The following GRIK1 variants were observed in gnomAD, a reference collection of about 807,000 sequenced individuals.
GRIK1 encodes glutamate receptor ionotropic, kainate 1.
A neutral mutation model predicts 105.7 loss-of-function variants in GRIK1; 69 were observed. That is an observed-to-expected ratio of 0.65 (90% CI 0.54 to 0.80). GRIK1 has a LOEUF of 0.80. Ranked by LOEUF, GRIK1 falls within the 30% of genes least tolerant of loss-of-function variation. The pLI is 0.00. For synonymous variants in GRIK1, 438 were observed against 431.3 expected (o/e 1.02, Z -0.19); for missense variants, 1,109 against 1,167.3 (o/e 0.95, Z 0.73).
intron 1 of GRIK1, among the ~76,000 whole-genome samples, chr21:29,867,119 T>C (rs2068828075): frequency 6.6e-6 from 1 of 152,304 alleles, no homozygotes; most frequent in East Asian, 1.9e-4. Context: ...AAACACTCCA[T>C]GTCTCTTGTT....
chr21:29,597,585 C>G (rs1472376824), intron 8 of GRIK1: 1 of 446,498 alleles, frequency 2.2e-6, no homozygotes, highest in Non-Finnish European at 4.7e-6. Flanking sequence ...ATCCCATGCA[C>G]CATCGTGGAG....
At chr21:29,739,968 G>GCACATGCACA (rs1265081234) in intron 1 of GRIK1, among the ~76,000 whole-genome samples, 1 of 152,106 alleles carries the variant, frequency 6.6e-6, no homozygotes, top group Non-Finnish European at 1.5e-5. Context: ...CAACACACAT[G>GCACATGCACA]CACATGCACA....
At chr21:29,567,961 T>C (rs1357987483) in intron 14 of GRIK1, among the ~76,000 whole-genome samples, 3 of 152,210 alleles carry the variant, frequency 2.0e-5, no homozygotes, top group Non-Finnish European at 4.4e-5. Context: ...TATGTCTTTA[T>C]CTTGATTTGA....
At chr21:29,687,511 T>A (rs2063507120) in intron 3 of GRIK1, among the ~76,000 whole-genome samples, 1 of 152,230 alleles carries the variant, frequency 6.6e-6, no homozygotes, top group South Asian at 2.1e-4. Flanking sequence ...ATTTTTAATG[T>A]CTTTGTGGGC....
intron 6 of GRIK1, among the ~76,000 whole-genome samples, chr21:29,646,410 C>CT (rs2062620531): frequency 6.6e-6 from 1 of 152,192 alleles, no homozygotes; most frequent in Non-Finnish European, 1.5e-5. Flanking sequence ...TGTGTGGACT[C>CT]TCTGTCACTT....
At chr21:29,840,274 T>C (rs936317468) in intron 1 of GRIK1, among the ~76,000 whole-genome samples, 2 of 152,158 alleles carry the variant, frequency 1.3e-5, no homozygotes, top group African/African-American at 4.8e-5. Context: ...CAAACATGAT[T>C]TTAGGAAAGG....
At chr21:29,860,277 CAG>C (rs1255506868) in intron 1 of GRIK1, among the ~76,000 whole-genome samples, 2 of 152,180 alleles carry the variant, frequency 1.3e-5, no homozygotes, top group South Asian at 2.1e-4. Context: ...GAGCCCTGGG[CAG>C]AGTTACAGCC....
intron 5 of GRIK1, among the ~76,000 whole-genome samples, chr21:29,653,184 T>G (rs1232535969): frequency 2.0e-5 from 3 of 151,902 alleles, no homozygotes; most frequent in Non-Finnish European, 4.4e-5. Flanking sequence ...CAAAAATGAG[T>G]CCGGTAGCAC....
intron 2 of GRIK1, among the ~76,000 whole-genome samples, chr21:29,690,759 T>C (rs945211970): frequency 6.6e-6 from 1 of 152,234 alleles, no homozygotes. Context: ...TTTCTCATTA[T>C]AAGAATATAA....
intron 12 of GRIK1, 21 bp downstream of exon 12, chr21:29,587,345 T>G: frequency 6.8e-7 from 1 of 1,477,070 alleles, no homozygotes; most frequent in Non-Finnish European, 9.5e-7. Context: ...CTCTTGTGAA[T>G]TCAGTGATTC....
chr21:29,657,289 T>C (rs2062872686), intron 4 of GRIK1: 1 of 152,240 alleles, frequency 6.6e-6, no homozygotes, highest in Admixed American at 6.5e-5. Flanking sequence ...AAAATTTTTC[T>C]TTTTAAATTT....
intron 1 of GRIK1, among the ~76,000 whole-genome samples, chr21:29,702,735 A>G (rs1339180130): frequency 6.6e-6 from 1 of 152,130 alleles, no homozygotes; most frequent in Non-Finnish European, 1.5e-5. Context: ...AAAACAAACA[A>G]AAACAGACAG....
At chr21:29,770,257 G>A (rs1280871966) in intron 1 of GRIK1, among the ~76,000 whole-genome samples, 1 of 152,212 alleles carries the variant, frequency 6.6e-6, no homozygotes, top group Non-Finnish European at 1.5e-5. Flanking sequence ...ATCGTGCTCA[G>A]CTTCATCGAG....
intron 15 of GRIK1, among the ~76,000 whole-genome samples, chr21:29,559,051 G>A (rs141983152): frequency 0.01 from 1,563 of 152,248 alleles, 32 homozygotes; most frequent in African/African-American, 0.035. Flanking sequence ...GTGTTGAAAT[G>A]TGGTGGGGTA....
chr21:29,709,278 C>CTTTT (rs35378548), intron 1 of GRIK1, among the ~76,000 whole-genome samples: 48 of 127,876 alleles, frequency 3.8e-4, no homozygotes, highest in Admixed American at 6.4e-4. Flanking sequence ...TACTCTTCTT[C>CTTTT]TTTTTTTTTT....
chr21:29,646,434 T>C (rs1438349141), intron 6 of GRIK1, among the ~76,000 whole-genome samples: 1 of 152,208 alleles, frequency 6.6e-6, no homozygotes, highest in Non-Finnish European at 1.5e-5. Flanking sequence ...CCTTCGCTGA[T>C]TTTACTCTAT....
At chr21:29,775,327 T>C (rs1167329424) in intron 1 of GRIK1, among the ~76,000 whole-genome samples, 1 of 148,664 alleles carries the variant, frequency 6.7e-6, no homozygotes, top group East Asian at 2.0e-4. Context: ...TGTCAATAGA[T>C]GGCCTTAAAC....
At chr21:29,869,123 G>A (rs936348029) in intron 1 of GRIK1, among the ~76,000 whole-genome samples, 1 of 152,160 alleles carries the variant, frequency 6.6e-6, no homozygotes, top group African/African-American at 2.4e-5. Flanking sequence ...AAGATGCTTT[G>A]GTATCTTTTC....
chr21:29,565,060 A>G (rs1429794653), intron 14 of GRIK1, among the ~76,000 whole-genome samples: 1 of 152,186 alleles, frequency 6.6e-6, no homozygotes. Flanking sequence ...TGGCATGGAC[A>G]CCTTTGAGCA....
Sources: gnomAD v4.1 joint callset for allele counts (sites outside exome capture counted in the v4.1 genomes callset) on GRCh38, gnomAD v4.1.1 for gene constraint, MANE v1.5 for transcripts, NCBI Gene and HGNC (gene_info 2026-07-23, HGNC 2026-07-21) for gene names.